The following ZC3H13 variants were observed in gnomAD, a reference collection of about 807,000 sequenced individuals.
ZC3H13 encodes zinc finger CCCH domain-containing protein 13.
A neutral mutation model predicts 204.1 loss-of-function variants in ZC3H13; 64 were observed. The ratio of observed to expected loss-of-function variants is 0.31; its 90% CI spans 0.26 to 0.39. ZC3H13 has a LOEUF of 0.39. Ranked by LOEUF, ZC3H13 falls within the 10% of genes least tolerant of loss-of-function variation. The pLI is 1.00. For missense variants in ZC3H13, 1,833 were observed against 2,082.7 expected (o/e 0.88, Z 2.33); for synonymous variants, 667 against 693.7 (o/e 0.96, Z 0.60).
chr13:45,960,188 C>T (rs562365585), intron 17 of ZC3H13, among the ~76,000 whole-genome samples: 1 of 152,096 alleles, frequency 6.6e-6, no homozygotes, highest in East Asian at 1.9e-4. Flanking sequence ...AACTCCTGAC[C>T]TCAAGTGATC....
In ZC3H13 at chr13:46,044,966, G is replaced by T; in HGVS notation, c.216C>A (p.Ser72Arg). ...GPSPRGKGYSSNYRRSPERPT... is the reference protein window; with the variant it reads ...GPSPRGKGYSRNYRRSPERPT... ...AGTTCTCAGTTTACCTTCTATAATTGCTGCTATAACCTTTACCACGAGGTG... is the reference window on the plus strand; with the variant it reads ...AGTTCTCAGTTTACCTTCTATAATTTCTGCTATAACCTTTACCACGAGGTG... Residue 72 changes from serine (S) to arginine (R), a missense_variant, in exon 3 of 19, where the codon AGC becomes AGA. This residue lies in a region of ZC3H13 where 1,574 missense variants were observed against 1,757.2 expected (regional missense o/e 0.90). Coordinates refer to ENST00000679008, the MANE Select transcript of ZC3H13 (RefSeq NM_001330564.2). The T allele has an allele frequency of 6.2e-7, 1 of 1,607,962 alleles. No homozygotes were observed. Among genetic ancestry groups the T allele is most frequent in the Non-Finnish European group, 8.5e-7 (1 of 1,177,072 alleles).
In ZC3H13 at chr13:45,962,385, T is replaced by C. The variant is rs566291788; in HGVS notation, c.4675+1457A>G. On this transcript the variant is annotated intron_variant, in intron 17 of 18. Transcript: ENST00000679008. ...TAGCAAAATCAAACCAGATTTTAAC[T>C]TGAAATGCTACTAGCAAAAGGTCAC... The C allele has an allele frequency of 1.9e-5, 19 of 985,402 alleles. No individual in the cohort carries two copies. In the African/African-American group the frequency reaches 3.3e-4, roughly 17 times the overall value. The allele number at this position is 985,402 out of a possible 1,614,324, so 61.0% of individuals were successfully genotyped here.
intron 12 of ZC3H13, among the ~76,000 whole-genome samples, chr13:45,972,125 A>G (rs1052048508): frequency 1.1e-4 from 17 of 152,238 alleles, no homozygotes; most frequent in African/African-American, 3.4e-4. Context: ...GAGATATTTG[A>G]TCCAGCAATC....
Position 45,954,486 on chromosome 13 carries a change from T to C in ZC3H13, c.*2641A>G, listed in dbSNP as rs1386294411. On this transcript the variant is annotated 3_prime_UTR_variant, in exon 19 of 19. Coordinates refer to ENST00000679008, the MANE Select transcript of ZC3H13 (RefSeq NM_001330564.2). ...AAAATTAATGAATAAAGAAAGTTTA[T>C]TGGAGATTATTAAAGAAAAATGATA... is the stretch of plus-strand genomic sequence containing the variant. The C allele has an allele frequency of 6.6e-6, 1 of 152,018 alleles. No individual in the cohort carries two copies. 9.4% of individuals were successfully genotyped at this position (152,018 alleles called of 1,614,324 possible). A position where few individuals can be genotyped will look rare whatever the true frequency, so the allele number is the denominator to read the frequency against.
chr13:45,966,552 G>C (rs1485000684), intron 15 of ZC3H13, among the ~76,000 whole-genome samples: 2 of 151,998 alleles, frequency 1.3e-5, no homozygotes, highest in African/African-American at 4.8e-5. Flanking sequence ...TATTATCTGT[G>C]ATCATAACCA....
intron 4 of ZC3H13, among the ~76,000 whole-genome samples, chr13:46,031,553 T>C (rs2042899757): frequency 6.6e-6 from 1 of 152,136 alleles, no homozygotes; most frequent in Non-Finnish European, 1.5e-5. Context: ...TAAGGACTGT[T>C]ACCAAAAACA....
rs770880265 is a variant in ZC3H13 at position 46,045,388 on chromosome 13, C to A, written c.117+3G>T. 6.2e-7 allele frequency: 1 copy of A among 1,612,040 alleles called. No individual in the cohort carries two copies. The highest frequency in any genetic ancestry group is 8.5e-7 in the Non-Finnish European group (1 of 1,178,186). On this transcript the variant is annotated splice_donor_region_variant and intron_variant, in intron 2 of 18. Transcript: ENST00000679008. ...CCCTGTGACTATACTAGTGACAACT[C>A]ACCTCTGCTGTACTGCCAGTGCTGG...
chr13:46,047,243 T>C (rs928324625), intron 1 of ZC3H13, among the ~76,000 whole-genome samples: 3 of 152,128 alleles, frequency 2.0e-5, no homozygotes, highest in African/African-American at 7.2e-5. Flanking sequence ...AAATATGAAA[T>C]AATATATGGT....
chr13:45,955,034 C>G lies in ZC3H13; in HGVS notation c.*2093G>C, dbSNP rs1487945417. Reference sequence around the variant, plus strand: ...AGACATACTCTTGCCCTTTATCTATCTACACAATTCCTTATTACCAGCAGC... The same window carrying G: ...AGACATACTCTTGCCCTTTATCTATGTACACAATTCCTTATTACCAGCAGC... On this transcript the variant is annotated 3_prime_UTR_variant, in exon 19 of 19. Transcript: ENST00000679008. 1.3e-5 allele frequency: 2 copies of G among 152,166 alleles called. No individual in the cohort carries two copies. Among genetic ancestry groups the G allele is most frequent in the Admixed American group, 1.3e-4 (2 of 15,270 alleles). 9.4% of individuals were successfully genotyped at this position (152,166 alleles called of 1,614,324 possible). A position where few individuals can be genotyped will look rare whatever the true frequency, so the allele number is the denominator to read the frequency against.
chr13:46,029,724 G>A (rs539613799), intron 4 of ZC3H13, among the ~76,000 whole-genome samples: 16 of 151,750 alleles, frequency 1.1e-4, no homozygotes, highest in East Asian at 1.9e-4. Context: ...CACCGCGCCC[G>A]GCCGAGATGG....
chr13:46,007,239 A>C (rs2041219748), intron 7 of ZC3H13, among the ~76,000 whole-genome samples: 1 of 152,086 alleles, frequency 6.6e-6, no homozygotes, highest in Non-Finnish European at 1.5e-5. Context: ...AGTGACCAAG[A>C]CCTGGCCAAA....
intron 4 of ZC3H13, among the ~76,000 whole-genome samples, chr13:46,026,726 A>T (rs1442452462): frequency 4.6e-5 from 7 of 152,192 alleles, no homozygotes; most frequent in Admixed American, 3.9e-4. Context: ...GTGGAATCCA[A>T]ATCTAAAGAG....
chr13:46,048,946 G>A (rs1232497215), intron 1 of ZC3H13, among the ~76,000 whole-genome samples: 1 of 151,926 alleles, frequency 6.6e-6, no homozygotes, highest in Non-Finnish European at 1.5e-5. Context: ...CTGGCCAACA[G>A]ATCGAGACCA....
intron 17 of ZC3H13, among the ~76,000 whole-genome samples, chr13:45,960,371 T>G (rs1166059540): frequency 6.6e-6 from 1 of 152,232 alleles, no homozygotes; most frequent in Non-Finnish European, 1.5e-5. Flanking sequence ...ATTTAGAGTT[T>G]TAGATTTCAA....
At chr13:46,045,362 C>A in intron 2 of ZC3H13, 29 bp downstream of exon 2, 1 of 1,537,832 alleles carries the variant, frequency 6.5e-7, no homozygotes, top group Non-Finnish European at 9.0e-7. Flanking sequence ...TCTAAGAGAA[C>A]CCCTGTGACT....
rs2042162208 is a variant in ZC3H13 at position 46,020,575 on chromosome 13, T to C, written c.340-18A>G. ...GATTCTTTCTAAAAAAGTACATACA[T>C]ACATTCAGATTACTATATTTTTAAA... On this transcript the variant is annotated intron_variant, in intron 4 of 18. Transcript: ENST00000679008. 2.0e-6 allele frequency: 3 copies of C among 1,489,226 alleles called. No individual in the cohort carries two copies. The highest frequency in any genetic ancestry group is 1.8e-6 in the Non-Finnish European group (2 of 1,087,104). 92.3% of individuals were successfully genotyped at this position (1,489,226 alleles called of 1,614,324 possible).
intron 1 of ZC3H13, 52 bp from the exon 2 acceptor site, chr13:46,045,568 A>T (rs1458986359): frequency 8.0e-7 from 1 of 1,242,570 alleles, no homozygotes; most frequent in Non-Finnish European, 1.2e-6. Flanking sequence ...AGTTTTAAAT[A>T]ACTGAGCCCA....
Position 45,967,763 on chromosome 13 carries a change from G to T in ZC3H13, c.4062C>A (p.Asp1354Glu). 6.2e-7 allele frequency: 1 copy of T among 1,612,112 alleles called. No individual in the cohort carries two copies. Among genetic ancestry groups the T allele is most frequent in the Non-Finnish European group, 8.5e-7 (1 of 1,179,040 alleles). The change falls in exon 15 of 19, where the codon GAC becomes GAA. Residue 1354 changes from aspartate (D) to glutamate (E), a missense_variant. Around this residue, in one of 5 missense-constraint regions of ZC3H13, gnomAD observed 1,574 missense variants for 1,757.2 expected, o/e 0.90. Transcript: ENST00000679008. The part of the protein sequence containing the change: ...ERERERDKRR[D>E]LDRERERLIS... The stretch of plus-strand genomic sequence containing the variant: ...TTAGTCTCTCTCTTTCCCTATCCAA[G>T]TCTCTCCTTTTGTCTCGTTCTCTCT...
intron 7 of ZC3H13, among the ~76,000 whole-genome samples, chr13:46,008,328 AAAAAG>A (rs1389084562): frequency 2.0e-5 from 3 of 152,058 alleles, no homozygotes; most frequent in Admixed American, 2.0e-4. Context: ...CCAAAAAAAA[AAAAAG>A]AAAAGAAATG....
Sources: allele counts gnomAD v4.1 joint callset (sites outside exome capture counted in the v4.1 genomes callset), GRCh38; gene constraint gnomAD v4.1.1; regional missense constraint gnomAD v4.1.1; transcripts MANE v1.5; gene names NCBI Gene and HGNC (gene_info 2026-07-23, HGNC 2026-07-21).